Variants in FAR2 observed in about 807,000 individuals in gnomAD.
The protein encoded by FAR2 is epididymis secretory protein Li 81.
FAR2 carries 19 observed loss-of-function variants against 56.0 expected under a neutral mutation model. The ratio of observed to expected loss-of-function variants is 0.34; its 90% CI spans 0.24 to 0.50. The LOEUF is 0.50. FAR2 is among the 20% of genes least tolerant of loss of function. The pLI is 0.98. For synonymous variants in FAR2, 219 were observed against 218.8 expected (o/e 1.00, Z -0.01); for missense variants, 508 against 642.2 (o/e 0.79, Z 2.26).
At chr12:29,322,315 C>T (rs551536013) in intron 10 of FAR2, among the ~76,000 whole-genome samples, 1 of 152,310 alleles carries the variant, frequency 6.6e-6, no homozygotes, top group Admixed American at 6.5e-5. Context: ...TGCTTATAAA[C>T]TCAATCATCC....
At chr12:29,268,917 G>A (rs966917028) in intron 1 of FAR2, among the ~76,000 whole-genome samples, 2 of 152,178 alleles carry the variant, frequency 1.3e-5, no homozygotes, top group Non-Finnish European at 2.9e-5. Flanking sequence ...GCAAATAGGT[G>A]TGGGTCACAG....
chr12:29,233,644 T>G lies in FAR2; in HGVS notation c.-38-36768T>G, dbSNP rs569878894. On this transcript the variant is annotated intron_variant, in intron 1 of 11. Transcript: ENST00000536681. ...CTGGATTGCATTTGCATGTTTCTCT[T>G]CTTGCTAATCAATGCTTCTAAGTCT... 5.9e-5 allele frequency among the ~76,000 whole-genome samples: 9 copies of G among 152,342 alleles called. No individual in the cohort carries two copies. The East Asian group carries it at 1.7e-3, about 29-fold the overall frequency.
chr12:29,272,274 A>G lies in FAR2; in HGVS notation c.189+1636A>G, dbSNP rs116903584. 3.9e-3 allele frequency among the ~76,000 whole-genome samples: 594 copies of G among 152,166 alleles called. 5 individuals are homozygous for G. The highest frequency in any genetic ancestry group is 6.0e-3 in the Non-Finnish European group (408 of 68,004). On this transcript the variant is annotated intron_variant, in intron 2 of 11. Transcript: ENST00000536681. ...CCGTCTCCTTCTGGTACTGCAATCA[A>G]TTGTAGGTTTGGTCTTTTTATGAAG...
chr12:29,300,111 G>A (rs1012044950), intron 4 of FAR2, among the ~76,000 whole-genome samples: 2 of 152,150 alleles, frequency 1.3e-5, no homozygotes, highest in African/African-American at 4.8e-5. Context: ...GACGATTATT[G>A]TTCATACTGT....
chr12:29,272,734 C>T (rs1948639107), intron 2 of FAR2, among the ~76,000 whole-genome samples: 1 of 152,112 alleles, frequency 6.6e-6, no homozygotes, highest in African/African-American at 2.4e-5. Flanking sequence ...GGGTTTTTGG[C>T]ATTTTTTCCA....
intron 10 of FAR2, among the ~76,000 whole-genome samples, chr12:29,323,689 G>A (rs953012554): frequency 6.6e-6 from 1 of 152,162 alleles, no homozygotes; most frequent in Non-Finnish European, 1.5e-5. Context: ...TGAGGGTCCT[G>A]ACTGTTAGAA....
intron 7 of FAR2, among the ~76,000 whole-genome samples, chr12:29,311,659 ATC>A (rs780839200): frequency 9.1e-5 from 9 of 99,370 alleles, no homozygotes; most frequent in Non-Finnish European, 1.6e-4. Context: ...CCTATTTAAC[ATC>A]TCTTTCACAC....
chr12:29,203,336 T>C (rs2136619029), intron 1 of FAR2, among the ~76,000 whole-genome samples: 1 of 152,384 alleles, frequency 6.6e-6, no homozygotes, highest in East Asian at 1.9e-4. Flanking sequence ...TTATCGTTTT[T>C]GCAGGAAAGC....
At chr12:29,272,838 G>A (rs373170571) in intron 2 of FAR2, among the ~76,000 whole-genome samples, 1 of 152,258 alleles carries the variant, frequency 6.6e-6, no homozygotes, top group African/African-American at 2.4e-5. Flanking sequence ...TTTTGTTGTT[G>A]TTGTTCTTGA....
chr12:29,296,991 T>C (rs770764943), intron 3 of FAR2, 30 bp from the exon 4 acceptor site: 3 of 1,557,086 alleles, frequency 1.9e-6, no homozygotes, highest in African/African-American at 1.4e-5. Context: ...ACTTACTTCA[T>C]TGTATTTCCT....
chr12:29,311,053 T>C lies in FAR2; in HGVS notation c.794T>C (p.Ile265Thr). ...IATGKGFLRA[I>T]KATPMAVADV... ...ACTGGGAAAGGGTTTCTTCGGGCCATAAAAGCTACTCCAATGGCTGTGGCA... is the reference window on the plus strand; with the variant it reads ...ACTGGGAAAGGGTTTCTTCGGGCCACAAAAGCTACTCCAATGGCTGTGGCA... The change falls in exon 7 of 12, where the codon ATA becomes ACA. Residue 265 changes from isoleucine (I) to threonine (T), a missense_variant. Transcript: ENST00000536681. 1.2e-6 allele frequency: 2 copies of C among 1,613,582 alleles called. No homozygotes were observed. The highest frequency in any genetic ancestry group is 1.7e-6 in the Non-Finnish European group (2 of 1,179,564).
chr12:29,202,463 AGAG>A (rs1314530272), intron 1 of FAR2, among the ~76,000 whole-genome samples: 3 of 152,206 alleles, frequency 2.0e-5, no homozygotes, highest in Non-Finnish European at 4.4e-5. Flanking sequence ...ACGTACTGAT[AGAG>A]TCATTTATTT....
intron 1 of FAR2, among the ~76,000 whole-genome samples, chr12:29,211,409 G>A (rs188921433): frequency 3.9e-5 from 6 of 152,308 alleles, no homozygotes; most frequent in Non-Finnish European, 5.9e-5. Flanking sequence ...TTACATTTAT[G>A]AAATGCATAT....
Position 29,311,062 on chromosome 12 carries a change from C to T in FAR2, c.803C>T (p.Thr268Ile). 1 of 1,613,618 alleles carries T rather than the reference C, an allele frequency of 6.2e-7. No homozygotes were observed. The highest frequency in any genetic ancestry group is 8.5e-7 in the Non-Finnish European group (1 of 1,179,632). ...GKGFLRAIKA[T>I]PMAVADVIPV... ...GGGTTTCTTCGGGCCATAAAAGCTA[C>T]TCCAATGGCTGTGGCAGACGTAATT... Residue 268 changes from threonine to isoleucine, a missense_variant, in exon 7 of 12, where the codon ACT becomes ATT. By Grantham distance (89) the Thr-to-Ile change is moderately conservative. Coordinates refer to ENST00000536681, the MANE Select transcript of FAR2 (RefSeq NM_001271783.2).
chr12:29,163,266 T>A (rs1377670034), intron 1 of FAR2, among the ~76,000 whole-genome samples: 3 of 152,376 alleles, frequency 2.0e-5, no homozygotes, highest in Non-Finnish European at 4.4e-5. Context: ...GGGTTTATAA[T>A]AGTAACCACC....
intron 1 of FAR2, among the ~76,000 whole-genome samples, chr12:29,237,469 A>G (rs1416868626): frequency 6.6e-6 from 1 of 152,196 alleles, no homozygotes; most frequent in African/African-American, 2.4e-5. Context: ...GTATTTGAAA[A>G]TAGTTAGATT....
At chr12:29,298,556 G>C (rs1033874201) in intron 4 of FAR2, among the ~76,000 whole-genome samples, 4 of 152,166 alleles carry the variant, frequency 2.6e-5, no homozygotes, top group African/African-American at 7.2e-5. Flanking sequence ...AAAGGATCTG[G>C]AGGTTAAAGT....
chr12:29,163,072 C>T (rs1371127110), intron 1 of FAR2, among the ~76,000 whole-genome samples: 1 of 152,174 alleles, frequency 6.6e-6, no homozygotes, highest in African/African-American at 2.4e-5. Flanking sequence ...ATAGGACATT[C>T]AACTCAGCCC....
intron 1 of FAR2, among the ~76,000 whole-genome samples, chr12:29,222,496 T>C (rs1174484902): frequency 6.6e-6 from 1 of 152,062 alleles, no homozygotes; most frequent in Non-Finnish European, 1.5e-5. Context: ...TATGAGGAAC[T>C]TGCTTAAGGT....
Sources: gnomAD v4.1 joint callset for allele counts (sites outside exome capture counted in the v4.1 genomes callset) on GRCh38, gnomAD v4.1.1 for gene constraint, MANE v1.5 for transcripts, NCBI Gene and HGNC (gene_info 2026-07-23, HGNC 2026-07-21) for gene names.